Variants in ELOVL4 observed in about 807,000 individuals in gnomAD.
ELOVL4 encodes the protein very long chain fatty acid elongase 4.
In ELOVL4, 18 loss-of-function variants were observed where a neutral mutation model predicts 42.1. The observed-to-expected ratio is 0.43, with a 90% CI of 0.30 to 0.63. The LOEUF is 0.63. ELOVL4 is among the 30% of genes least tolerant of loss of function. The pLI is 0.15. For missense variants in ELOVL4, 299 were observed against 376.2 expected, an observed-to-expected ratio of 0.79 and a Z score of 1.70; for synonymous variants, 117 against 127.0, an observed-to-expected ratio of 0.92 and a Z score of 0.53.
chr6:79,926,407 A>G, intron 1 of ELOVL4, 26 bp from the exon 2 acceptor site: 1 of 1,598,202 alleles, frequency 6.3e-7, no homozygotes, highest in Non-Finnish European at 8.6e-7. Context: ...AATACCATAA[A>G]ATTCATTAAT....
intron 1 of ELOVL4, among the ~76,000 whole-genome samples, chr6:79,941,090 A>G (rs1438182386): frequency 6.6e-6 from 1 of 152,260 alleles, no homozygotes; most frequent in Admixed American, 6.5e-5. Flanking sequence ...TTTACTATAA[A>G]GAATGAGGTT....
intron 4 of ELOVL4, among the ~76,000 whole-genome samples, chr6:79,920,079 A>G (rs1384450779): frequency 6.6e-6 from 1 of 152,190 alleles, no homozygotes; most frequent in Admixed American, 6.5e-5. Flanking sequence ...CAAGGTATAG[A>G]TGTAATAATA....
chr6:79,919,999 A>G (rs1774225884), intron 4 of ELOVL4, among the ~76,000 whole-genome samples: 1 of 152,214 alleles, frequency 6.6e-6, no homozygotes, highest in Admixed American at 6.5e-5. Context: ...TTTAATATAG[A>G]TAAATCTACA....
chr6:79,924,697 T>C (rs1415936618), intron 3 of ELOVL4, among the ~76,000 whole-genome samples: 1 of 152,028 alleles, frequency 6.6e-6, no homozygotes, highest in Non-Finnish European at 1.5e-5. Flanking sequence ...TATCTAGGCA[T>C]GGTGGGGTAC....
intron 1 of ELOVL4, among the ~76,000 whole-genome samples, chr6:79,945,483 T>C (rs1366637610): frequency 6.6e-6 from 1 of 152,186 alleles, no homozygotes. Flanking sequence ...ATTCTACCTT[T>C]GCCCTCAATT....
At chr6:79,932,257 G>A (rs759628636) in intron 1 of ELOVL4, among the ~76,000 whole-genome samples, 10 of 151,922 alleles carry the variant, frequency 6.6e-5, no homozygotes, top group African/African-American at 9.7e-5. Context: ...AAAAAATGAG[G>A]GGGCCGGGTG....
chr6:79,942,497 G>A (rs1037414249), intron 1 of ELOVL4, among the ~76,000 whole-genome samples: 2 of 152,094 alleles, frequency 1.3e-5, no homozygotes, highest in African/African-American at 2.4e-5. Context: ...AAATACTTAC[G>A]TTAATAATGT....
rs552072063 is a variant in ELOVL4, at chr6:79,934,563, T to C, written c.101-8182A>G. On this transcript the variant is annotated intron_variant, in intron 1 of 5. Coordinates refer to ENST00000369816, the MANE Select transcript of ELOVL4 (RefSeq NM_022726.4). ...CACAAAGTATGTCTCATGTCAGAGA[T>C]AATCTGAGCCCCTCCCCTTAAAAGT... is the stretch of plus-strand genomic sequence containing the variant. Among the ~76,000 whole-genome samples, 5 of 152,294 alleles carry C rather than the reference T, an allele frequency of 3.3e-5. No individual in the cohort carries two copies. The East Asian group carries it at 5.8e-4, about 18-fold the overall frequency.
At chr6:79,944,915 A>G (rs1774710101) in intron 1 of ELOVL4, among the ~76,000 whole-genome samples, 1 of 145,496 alleles carries the variant, frequency 6.9e-6, no homozygotes, top group South Asian at 2.1e-4. Context: ...CTACTTTTCT[A>G]TTTTGATATC....
At chr6:79,945,283 C>T (rs1774719970) in intron 1 of ELOVL4, among the ~76,000 whole-genome samples, 1 of 152,186 alleles carries the variant, frequency 6.6e-6, no homozygotes, top group Admixed American at 6.5e-5. Flanking sequence ...TGAGAGGTCA[C>T]TTGTGTTCTA....
At position 79,916,245 on chromosome 6, in the gene ELOVL4, C is replaced by T. The variant is rs1376229769; in HGVS notation, c.*363G>A. On this transcript the variant is annotated 3_prime_UTR_variant, in exon 6 of 6. Coordinates refer to ENST00000369816, the MANE Select transcript of ELOVL4 (RefSeq NM_022726.4). ...AATTTATCAAAATAATTCATAAAGA[C>T]CGTTTCTGTGATCGTCTAAAATTCA... The T allele has an allele frequency of 1.4e-5, 3 of 213,856 alleles. No individual in the cohort carries two copies. The highest frequency in any genetic ancestry group is 2.3e-5 in the African/African-American group (1 of 42,896). 13.2% of individuals were successfully genotyped at this position (213,856 alleles called of 1,614,324 possible).
chr6:79,921,812 G>C lies in ELOVL4; in HGVS notation c.370-16C>G. The C allele has an allele frequency of 6.2e-7, 1 of 1,613,248 alleles. No individual in the cohort carries two copies. The highest frequency in any genetic ancestry group is 8.5e-7 in the Non-Finnish European group (1 of 1,179,430). On this transcript the variant is annotated splice_polypyrimidine_tract_variant and intron_variant, in intron 3 of 5. Transcript: ENST00000369816. The stretch of plus-strand genomic sequence containing the variant: ...CAGCAGCTATCTGTAAAAAGGGAAA[G>C]CGTGTTATAAACACCAAAATGACAC...
intron 1 of ELOVL4, among the ~76,000 whole-genome samples, chr6:79,930,285 T>G (rs1774421568): frequency 6.6e-6 from 1 of 152,172 alleles, no homozygotes; most frequent in Non-Finnish European, 1.5e-5. Flanking sequence ...AGGCCACATT[T>G]TACACCATAC....
In ELOVL4 at chr6:79,921,693, T is replaced by G. The variant is rs781360903; in HGVS notation, c.473A>C (p.His158Pro). 1 of 1,614,020 alleles carries G rather than the reference T, an allele frequency of 6.2e-7. No individual in the cohort carries two copies. Among genetic ancestry groups the G allele is most frequent in the Non-Finnish European group, 8.5e-7 (1 of 1,179,986 alleles). Residue 158 changes from histidine (H) to proline (P), a missense_variant, in exon 4 of 6, where the codon CAT (histidine) becomes CCT (proline). Transcript: ENST00000369816. ...AAACATCGTACAGTGATGATACACA[T>G]GAAGGAAAGAAACTTGGTTGTTTTT... ...RKKNNQVSFL[H>P]VYHHCTMFTL...
At chr6:79,941,332 A>G (rs760996828) in intron 1 of ELOVL4, among the ~76,000 whole-genome samples, 6 of 152,154 alleles carry the variant, frequency 3.9e-5, no homozygotes. Flanking sequence ...GGTCATCTAA[A>G]TCCCAGTCCA....
chr6:79,933,025 C>A (rs149134471), intron 1 of ELOVL4, among the ~76,000 whole-genome samples: 20 of 152,108 alleles, frequency 1.3e-4, no homozygotes, highest in African/African-American at 2.7e-4. Flanking sequence ...TATCTGAATA[C>A]CCTGAGAGAA....
chr6:79,936,827 C>A (rs1318937430), intron 1 of ELOVL4, among the ~76,000 whole-genome samples: 4 of 152,156 alleles, frequency 2.6e-5, no homozygotes, highest in Non-Finnish European at 2.9e-5. Flanking sequence ...AGGTAATGAA[C>A]AATCTGAGAC....
At chr6:79,930,182 G>A (rs1430059459) in intron 1 of ELOVL4, among the ~76,000 whole-genome samples, 1 of 152,092 alleles carries the variant, frequency 6.6e-6, no homozygotes, top group Non-Finnish European at 1.5e-5. Flanking sequence ...TACTCCAGGG[G>A]AAAAAAGCAA....
At chr6:79,941,776 T>C (rs892656642) in intron 1 of ELOVL4, among the ~76,000 whole-genome samples, 11 of 152,214 alleles carry the variant, frequency 7.2e-5, no homozygotes, top group Non-Finnish European at 4.4e-5. Flanking sequence ...CAATATATCA[T>C]GATTCAAAAT....
Sources: gnomAD v4.1 joint callset for allele counts (sites outside exome capture counted in the v4.1 genomes callset) on GRCh38, gnomAD v4.1.1 for gene constraint, MANE v1.5 for transcripts, NCBI Gene and HGNC (gene_info 2026-07-23, HGNC 2026-07-21) for gene names.